The following GRIN2A variants were observed in gnomAD, a reference collection of about 807,000 sequenced individuals.
GRIN2A encodes the protein glutamate ionotropic receptor NMDA type subunit 2A.
In GRIN2A, 22 loss-of-function variants were observed where a neutral mutation model predicts 113.4. That is an observed-to-expected ratio of 0.19 (90% CI 0.14 to 0.28). The LOEUF (loss-of-function observed/expected upper bound fraction) is 0.28. Ranked by LOEUF, GRIN2A falls within the 10% of genes least tolerant of loss-of-function variation. The pLI is 1.00. For synonymous variants in GRIN2A, 827 were observed against 738.4 expected (o/e 1.12, Z -1.94); for missense variants, 1,502 against 1,887.0 (o/e 0.80, Z 3.78).
intron 2 of GRIN2A, among the ~76,000 whole-genome samples, chr16:9,994,062 A>C (rs548752182): frequency 1.6e-4 from 24 of 152,342 alleles, no homozygotes; most frequent in African/African-American, 5.8e-4. Context: ...ATCACATGGA[A>C]TATCACCCTC....
chr16:9,873,875 G>A (rs2141433294), intron 4 of GRIN2A, among the ~76,000 whole-genome samples: 2 of 152,286 alleles, frequency 1.3e-5, no homozygotes, highest in East Asian at 1.9e-4. Flanking sequence ...GCTATAATCT[G>A]CTGGACCACA....
intron 3 of GRIN2A, among the ~76,000 whole-genome samples, chr16:9,893,993 C>T (rs1400743749): frequency 6.6e-6 from 1 of 152,112 alleles, no homozygotes; most frequent in African/African-American, 2.4e-5. Context: ...CACTTATTCA[C>T]TGATGGAGAG....
At chr16:9,911,711 G>A (rs537480374) in intron 3 of GRIN2A, among the ~76,000 whole-genome samples, 1 of 152,182 alleles carries the variant, frequency 6.6e-6, no homozygotes, top group South Asian at 2.1e-4. Flanking sequence ...AACCTGTGAT[G>A]GCCATTTACC....
chr16:9,787,532 C>A (rs1902304386), intron 11 of GRIN2A, among the ~76,000 whole-genome samples: 1 of 152,188 alleles, frequency 6.6e-6, no homozygotes, highest in South Asian at 2.1e-4. Flanking sequence ...ACCTTGGGCA[C>A]ATGTTCTTGT....
chr16:9,997,807 T>A, intron 2 of GRIN2A, among the ~76,000 whole-genome samples: 1 of 152,170 alleles, frequency 6.6e-6, no homozygotes. Flanking sequence ...TCTGATGGTT[T>A]TATAAAGGGC....
intron 4 of GRIN2A, among the ~76,000 whole-genome samples, chr16:9,888,819 A>G (rs947108518): frequency 6.6e-6 from 1 of 152,006 alleles, no homozygotes; most frequent in Admixed American, 6.6e-5. Context: ...TCATAACTGG[A>G]TATTGAATTT....
chr16:9,840,832 A>AAG lies in GRIN2A; in HGVS notation c.1498-34_1498-33dup, dbSNP rs111268758. The AAG allele has an allele frequency of 2.4e-4, 301 of 1,231,838 alleles. 4 individuals are homozygous for AAG. The East Asian group carries it at 5.0e-3, about 21-fold the overall frequency. 76.3% of individuals were successfully genotyped at this position (1,231,838 alleles called of 1,614,324 possible). On this transcript the variant is annotated intron_variant, in intron 6 of 12. Coordinates refer to ENST00000330684, the MANE Select transcript of GRIN2A (RefSeq NM_001134407.3). ...GCAAGGCAAAAAAAAAAAAAAAAAA[A>AAG]AGAGAGAGAGAGAACAACAGTACTT... is the stretch of plus-strand genomic sequence containing the variant.
chr16:9,973,209 A>G (rs948656802), intron 2 of GRIN2A, among the ~76,000 whole-genome samples: 15 of 152,218 alleles, frequency 9.9e-5, no homozygotes, highest in Admixed American at 9.8e-4. Flanking sequence ...CTTCAACTGC[A>G]TGACTCCTAA....
chr16:9,829,096 G>A (rs537302780), intron 9 of GRIN2A, among the ~76,000 whole-genome samples: 2 of 152,160 alleles, frequency 1.3e-5, no homozygotes, highest in South Asian at 2.1e-4. Flanking sequence ...TCACACATTC[G>A]AAAGGATGAA....
At chr16:10,051,370 G>A (rs528804087) in intron 2 of GRIN2A, among the ~76,000 whole-genome samples, 47 of 152,294 alleles carry the variant, frequency 3.1e-4, no homozygotes, top group African/African-American at 7.5e-4. Flanking sequence ...AAGGGCAGTC[G>A]TAAGTGAGTA....
chr16:10,039,676 A>G (rs111682074), intron 2 of GRIN2A, among the ~76,000 whole-genome samples: 236 of 149,382 alleles, frequency 1.6e-3, no homozygotes, highest in South Asian at 5.5e-3. Flanking sequence ...TGCTCGCTCT[A>G]CTCCTGGGAG....
chr16:10,023,015 A>T (rs1339418915), intron 2 of GRIN2A, among the ~76,000 whole-genome samples: 1 of 152,206 alleles, frequency 6.6e-6, no homozygotes, highest in African/African-American at 2.4e-5. Flanking sequence ...AAATCCTACT[A>T]ATCAGGGGGA....
intron 2 of GRIN2A, among the ~76,000 whole-genome samples, chr16:9,950,016 G>C (rs535848748): frequency 2.0e-5 from 3 of 152,244 alleles, no homozygotes; most frequent in East Asian, 1.9e-4. Context: ...TCTGAAGGCA[G>C]GAAAGTAATA....
At chr16:9,976,862 T>C (rs2045783553) in intron 2 of GRIN2A, among the ~76,000 whole-genome samples, 1 of 152,106 alleles carries the variant, frequency 6.6e-6, no homozygotes, top group Admixed American at 6.5e-5. Context: ...GCGTGACAAA[T>C]GACATCTGAG....
rs544205303 is a variant in GRIN2A at position 9,894,652 on chromosome 16, AC to A, written c.1008-3553del. ...TCATTATTAGCAGGACTTCAAAGTAACTAATTGAGCCTAAGTTAAGCTGTTT... is the reference window on the plus strand; with the variant it reads ...TCATTATTAGCAGGACTTCAAAGTAATAATTGAGCCTAAGTTAAGCTGTTT... On this transcript the variant is annotated intron_variant, in intron 3 of 12. Transcript: ENST00000330684. Among the ~76,000 whole-genome samples, 344 of 152,302 alleles carry A rather than the reference AC, an allele frequency of 2.3e-3. 1 individual carries two copies. Among genetic ancestry groups the A allele is most frequent in the African/African-American group, 7.8e-3 (324 of 41,564 alleles).
At chr16:10,112,728 G>A (rs1199348290) in intron 2 of GRIN2A, 4 of 734,648 alleles carry the variant, frequency 5.4e-6, no homozygotes, top group African/African-American at 1.7e-5. Context: ...CCAGGACAAA[G>A]GGTCCATTCA....
intron 3 of GRIN2A, among the ~76,000 whole-genome samples, chr16:9,911,041 T>C (rs2044125409): frequency 6.6e-6 from 1 of 152,092 alleles, no homozygotes; most frequent in Admixed American, 6.6e-5. Context: ...ATCCATCTTG[T>C]AATTTTCACA....
chr16:10,075,197 A>T (rs2047845609), intron 2 of GRIN2A, among the ~76,000 whole-genome samples: 1 of 152,056 alleles, frequency 6.6e-6, no homozygotes, highest in African/African-American at 2.4e-5. Context: ...CGTAGTCAGC[A>T]CCTAGTAAAT....
chr16:9,808,991 C>CAAAG (rs1470501221), intron 10 of GRIN2A, among the ~76,000 whole-genome samples: 1 of 151,842 alleles, frequency 6.6e-6, no homozygotes. Flanking sequence ...TTCCAGCAGT[C>CAAAG]AAAGAGAATG....
Sources: gnomAD v4.1 joint callset for allele counts (sites outside exome capture counted in the v4.1 genomes callset) on GRCh38, gnomAD v4.1.1 for gene constraint, MANE v1.5 for transcripts, NCBI Gene and HGNC (gene_info 2026-07-23, HGNC 2026-07-21) for gene names.